The following PCED1B variants were observed in gnomAD, a reference collection of about 807,000 sequenced individuals.
PCED1B encodes the protein PC-esterase domain containing 1B, also known as PC-esterase domain-containing protein 1B.
For synonymous variants in PCED1B, 251 were observed against 246.1 expected, an observed-to-expected ratio of 1.02 and a Z score of -0.19; for missense variants, 573 against 573.9, an observed-to-expected ratio of 1.00 and a Z score of 0.02.
intron 2 of PCED1B, among the ~76,000 whole-genome samples, chr12:47,193,341 A>C (rs1942504391): frequency 6.6e-6 from 1 of 152,188 alleles, no homozygotes; most frequent in African/African-American, 2.4e-5. Flanking sequence ...AGAGTTGTTC[A>C]AGCCAATGCA....
intron 3 of PCED1B, among the ~76,000 whole-genome samples, chr12:47,232,562 C>G (rs1326182638): frequency 6.6e-6 from 1 of 152,128 alleles, no homozygotes; most frequent in East Asian, 1.9e-4. Flanking sequence ...AAATTTCAAG[C>G]CGCACCGGAT....
At chr12:47,163,002 C>T (rs1206262379) in intron 2 of PCED1B, among the ~76,000 whole-genome samples, 1 of 152,194 alleles carries the variant, frequency 6.6e-6, no homozygotes, top group Non-Finnish European at 1.5e-5. Flanking sequence ...TGCATTGAAT[C>T]TGTTGATGAC....
chr12:47,207,530 C>A (rs537492775), intron 2 of PCED1B, among the ~76,000 whole-genome samples: 2 of 152,194 alleles, frequency 1.3e-5, no homozygotes, highest in African/African-American at 4.8e-5. Flanking sequence ...CAGATGGGCA[C>A]GTGGGCAGGC....
chr12:47,106,670 C>T (rs1409834440), intron 2 of PCED1B, among the ~76,000 whole-genome samples: 1 of 152,184 alleles, frequency 6.6e-6, no homozygotes, highest in Non-Finnish European at 1.5e-5. Context: ...CACAAGGGAC[C>T]CATCAGCCTC....
Position 47,160,293 on chromosome 12 carries a change from C to CTTTT in PCED1B, c.-525-55908_-525-55905dup, listed in dbSNP as rs59856338. ...TTTCTTTCTTTTTCTTTTTCTTTTT[C>CTTTT]TTTTTTTTTTTTTTTTTTTTTTTTG... On this transcript the variant is annotated intron_variant, in intron 2 of 3. Transcript: ENST00000546455. Among the ~76,000 whole-genome samples, 182 of 69,170 alleles carry CTTTT rather than the reference C, an allele frequency of 2.6e-3. 1 individual carries two copies. The highest frequency in any genetic ancestry group is 0.012 in the Middle Eastern group (1 of 84). The allele number at this position is 69,170 out of a possible 152,430, so 45.4% of individuals were successfully genotyped here.
rs376807383 is a variant in PCED1B, at chr12:47,113,209, C to T, written c.-526+9014C>T. 6.6e-5 allele frequency among the ~76,000 whole-genome samples: 10 copies of T among 152,134 alleles called. No individual in the cohort carries two copies. In the East Asian group the frequency reaches 7.7e-4, roughly 12 times the overall value. Reference sequence around the variant, plus strand: ...AGGATTTATACTCAATTACATAATACTGTACAAGTGAGGACATAATATATG... The same window carrying T: ...AGGATTTATACTCAATTACATAATATTGTACAAGTGAGGACATAATATATG... On this transcript the variant is annotated intron_variant, in intron 2 of 3. Coordinates refer to ENST00000546455, the MANE Select transcript of PCED1B (RefSeq NM_138371.3).
intron 2 of PCED1B, among the ~76,000 whole-genome samples, chr12:47,183,793 C>T (rs1010848326): frequency 3.9e-5 from 6 of 152,204 alleles, no homozygotes; most frequent in Admixed American, 1.3e-4. Context: ...ACTTCCTGCA[C>T]TCGTAAACTT....
intron 2 of PCED1B, among the ~76,000 whole-genome samples, chr12:47,175,940 G>A (rs536477652): frequency 6.7e-6 from 1 of 149,688 alleles, no homozygotes; most frequent in South Asian, 2.1e-4. Context: ...TGCCCAGACT[G>A]GTCTCGAACT....
intron 2 of PCED1B, among the ~76,000 whole-genome samples, chr12:47,114,719 G>A (rs956881553): frequency 2.0e-5 from 3 of 152,200 alleles, no homozygotes; most frequent in Non-Finnish European, 4.4e-5. Context: ...AGGAATGAAG[G>A]TCCCCAACAC....
chr12:47,081,563 A>T (rs1467446646), intron 1 of PCED1B, among the ~76,000 whole-genome samples: 1 of 152,020 alleles, frequency 6.6e-6, no homozygotes, highest in Non-Finnish European at 1.5e-5. Context: ...TCATGCAAGC[A>T]TTTCTTACTG....
intron 2 of PCED1B, among the ~76,000 whole-genome samples, chr12:47,161,657 C>T (rs1275928558): frequency 3.9e-5 from 6 of 152,132 alleles, no homozygotes; most frequent in Admixed American, 6.5e-5. Flanking sequence ...ACTTTTACAC[C>T]ATTGGTGGGA....
chr12:47,231,691 A>G (rs543948166), intron 3 of PCED1B, among the ~76,000 whole-genome samples: 2 of 152,362 alleles, frequency 1.3e-5, no homozygotes, highest in East Asian at 3.9e-4. Context: ...CTTCACTCCC[A>G]GAGAAAGAAT....
At chr12:47,215,963 G>A (rs1478728705) in intron 2 of PCED1B, among the ~76,000 whole-genome samples, 1 of 152,072 alleles carries the variant, frequency 6.6e-6, no homozygotes, top group African/African-American at 2.4e-5. Context: ...TGAAGCAGGA[G>A]AATCGCTTGA....
At chr12:47,082,532 G>C (rs1468002205) in intron 1 of PCED1B, among the ~76,000 whole-genome samples, 3 of 152,054 alleles carry the variant, frequency 2.0e-5, no homozygotes, top group Admixed American at 2.0e-4. Context: ...AAATTATTTT[G>C]AGTTGCATGT....
Position 47,197,238 on chromosome 12 carries a change from C to CA in PCED1B, c.-525-18961dup, listed in dbSNP as rs57095369. Among the ~76,000 whole-genome samples, 541 of 58,446 alleles carry CA rather than the reference C, an allele frequency of 9.3e-3. 6 individuals carry two copies. The highest frequency in any genetic ancestry group is 0.017 in the Admixed American group (64 of 3,850). 38.3% of individuals were successfully genotyped at this position (58,446 alleles called of 152,430 possible). On this transcript the variant is annotated intron_variant, in intron 2 of 3. Transcript: ENST00000546455. ...TGGGTGACAGAGTGAGACTCTGTCT[C>CA]AAAAAAAAAAAAAAAAAAAAAAAGA...
chr12:47,160,963 T>C (rs1465530882), intron 2 of PCED1B, among the ~76,000 whole-genome samples: 1 of 152,208 alleles, frequency 6.6e-6, no homozygotes, highest in African/African-American at 2.4e-5. Context: ...AAGAGTGAGT[T>C]GTTATAAAGC....
rs60769675 is a variant in PCED1B, at chr12:47,202,594, TAAAAAAA to T, written c.-525-13609_-525-13603del. Among the ~76,000 whole-genome samples, 542 of 66,692 alleles carry T rather than the reference TAAAAAAA, an allele frequency of 8.1e-3. 3 individuals are homozygous for T. Among genetic ancestry groups the T allele is most frequent in the African/African-American group, 0.03 (504 of 16,774 alleles). 43.8% of individuals were successfully genotyped at this position (66,692 alleles called of 152,430 possible). A position where few individuals can be genotyped will look rare whatever the true frequency, so the allele number is the denominator to read the frequency against. On this transcript the variant is annotated intron_variant, in intron 2 of 3. Coordinates refer to ENST00000546455, the MANE Select transcript of PCED1B (RefSeq NM_138371.3). ...TGACTCCTTCACGTCTAGACATTAGTAAAAAAAAAAAAAAAAAAAAAAAAAGAAAAAA... is the reference window on the plus strand; with the variant it reads ...TGACTCCTTCACGTCTAGACATTAGTAAAAAAAAAAAAAAAAAAGAAAAAA...
chr12:47,091,755 C>T (rs1483347166), intron 1 of PCED1B, among the ~76,000 whole-genome samples: 3 of 151,912 alleles, frequency 2.0e-5, no homozygotes, highest in Non-Finnish European at 4.4e-5. Flanking sequence ...TTTTTTTCCA[C>T]TTGAATGTTG....
At chr12:47,084,355 C>T (rs1283056797) in intron 1 of PCED1B, among the ~76,000 whole-genome samples, 1 of 152,200 alleles carries the variant, frequency 6.6e-6, no homozygotes, top group African/African-American at 2.4e-5. Context: ...ATCACTTTTG[C>T]ACCATTGTAA....
Sources: allele counts gnomAD v4.1 joint callset (sites outside exome capture counted in the v4.1 genomes callset), GRCh38; gene constraint gnomAD v4.1.1; transcripts MANE v1.5; gene names NCBI Gene and HGNC (gene_info 2026-07-23, HGNC 2026-07-21).